KDM4C: variants seen among roughly 807,000 people sequenced by gnomAD.
KDM4C encodes the protein lysine-specific demethylase 4C.
A neutral mutation model predicts 129.3 loss-of-function variants in KDM4C; 81 were observed. The ratio of observed to expected loss-of-function variants is 0.63; its 90% CI spans 0.52 to 0.75. The LOEUF is 0.75. KDM4C is among the 30% of genes least tolerant of loss of function. The probability of loss-of-function intolerance (pLI) is 0.00; values close to 1 mark genes in which losing one functional copy is unlikely to be tolerated. For missense variants in KDM4C, 1,457 were observed against 1,304.0 expected (o/e 1.12, Z -1.81); for synonymous variants, 573 against 456.1 (o/e 1.26, Z -3.26).
At chr9:7,083,712 TGTGTGTGTGTG>T (rs1564095029) in intron 17 of KDM4C, among the ~76,000 whole-genome samples, 2 of 7,896 alleles carry the variant, frequency 2.5e-4, no homozygotes, top group African/African-American at 1.1e-3. Flanking sequence ...ACATGACTGA[TGTGTGTGTGTG>T]TGTGTGTGTG....
At chr9:7,128,527 G>A (rs1174146175) in intron 19 of KDM4C, among the ~76,000 whole-genome samples, 2 of 152,142 alleles carry the variant, frequency 1.3e-5, no homozygotes, top group Non-Finnish European at 2.9e-5. Flanking sequence ...AATTTTGGAT[G>A]GGACCTATTC....
intron 17 of KDM4C, among the ~76,000 whole-genome samples, chr9:7,100,420 A>G (rs1369639231): frequency 1.3e-5 from 2 of 151,930 alleles, no homozygotes; most frequent in African/African-American, 2.4e-5. Flanking sequence ...GCTTACTGCA[A>G]CCTCTGCCTC....
intron 8 of KDM4C, among the ~76,000 whole-genome samples, chr9:6,937,986 A>G (rs1251259095): frequency 1.3e-5 from 2 of 152,182 alleles, no homozygotes; most frequent in Non-Finnish European, 2.9e-5. Context: ...TGCTGGGATT[A>G]CAGACATGAG....
At chr9:6,990,554 T>C in intron 12 of KDM4C, 30 bp downstream of exon 12, 1 of 1,431,902 alleles carries the variant, frequency 7.0e-7, no homozygotes, top group South Asian at 1.3e-5. Flanking sequence ...TGGGATTTTT[T>C]TTTTTTTTTT....
chr9:6,725,628 C>T lies in KDM4C; in HGVS notation c.49+4631C>T, dbSNP rs112570594. 4.3e-3 allele frequency among the ~76,000 whole-genome samples: 655 copies of T among 152,122 alleles called. 3 individuals are homozygous for T. The highest frequency in any genetic ancestry group is 6.8e-3 in the Non-Finnish European group (463 of 68,018). On this transcript the variant is annotated intron_variant, in intron 1 of 17. Coordinates refer to the KDM4C transcript ENST00000536108. ...TCAGCCTCCCAAGTAGCTGGGATTA[C>T]AGGCACCTGCCACCACATCTGGCTA...
chr9:6,841,722 T>TG (rs1588635483), intron 4 of KDM4C, among the ~76,000 whole-genome samples: 2 of 152,304 alleles, frequency 1.3e-5, no homozygotes, highest in East Asian at 3.9e-4. Context: ...TGTGGGCAAG[T>TG]GACTATAGCT....
At chr9:6,757,211 C>A (rs7019769), upstream of KDM4C, among the ~76,000 whole-genome samples, 20 of 152,296 alleles carry the variant, frequency 1.3e-4, no homozygotes, top group African/African-American at 4.8e-4. Flanking sequence ...ACGCTGGAGG[C>A]ACCTGCATTT....
At chr9:6,866,065 G>C (rs769194371) in intron 5 of KDM4C, among the ~76,000 whole-genome samples, 7 of 151,824 alleles carry the variant, frequency 4.6e-5, no homozygotes, top group Non-Finnish European at 1.0e-4. Context: ...TGTATTTTTA[G>C]TTAGAGACAG....
intron 18 of KDM4C, among the ~76,000 whole-genome samples, chr9:7,124,172 A>C (rs934602695): frequency 6.6e-6 from 1 of 152,220 alleles, no homozygotes; most frequent in African/African-American, 2.4e-5. Flanking sequence ...CCAGCTAGTA[A>C]GAGTAATCAG....
rs186578455 is a variant in KDM4C at position 7,022,933 on chromosome 9, A to T, written c.2259+7004A>T. On this transcript the variant is annotated intron_variant, in intron 15 of 21. Transcript: ENST00000381309. ...ACGGTTTTTGTTCTTCATTCTAATG[A>T]TATGATGTATCACATTGATTGATTT... Among the ~76,000 whole-genome samples, 1,414 of 152,020 alleles carry T rather than the reference A, an allele frequency of 9.3e-3. 26 individuals are homozygous for T. Among genetic ancestry groups the T allele is most frequent in the African/African-American group, 0.03 (1,232 of 41,310 alleles).
rs1196691586 is a variant in KDM4C, at chr9:6,889,035, G to T, written c.783+972G>T. Among the ~76,000 whole-genome samples the T allele has an allele frequency of 1.4e-5, 2 of 140,318 alleles. 1 individual carries two copies. Among genetic ancestry groups the T allele is most frequent in the Non-Finnish European group, 3.1e-5 (2 of 64,676 alleles). The allele number at this position is 140,318 out of a possible 152,430, so 92.1% of individuals were successfully genotyped here. On this transcript the variant is annotated intron_variant, in intron 7 of 21. Transcript: ENST00000381309. ...GATCTCCCGACCTCGTGATCCGCCCGCCTCGGCCTCCCAAAGTGCTGGGAT... is the reference window on the plus strand; with the variant it reads ...GATCTCCCGACCTCGTGATCCGCCCTCCTCGGCCTCCCAAAGTGCTGGGAT...
intron 4 of KDM4C, among the ~76,000 whole-genome samples, chr9:6,822,676 C>G (rs775552765): frequency 2.6e-5 from 4 of 152,160 alleles, no homozygotes; most frequent in Non-Finnish European, 4.4e-5. Context: ...CATTAAAATA[C>G]TCAGCCTTCT....
At chr9:7,086,081 C>T (rs1005433907) in intron 17 of KDM4C, among the ~76,000 whole-genome samples, 2 of 152,136 alleles carry the variant, frequency 1.3e-5, no homozygotes, top group Admixed American at 6.5e-5. Flanking sequence ...TTGCTTGAAC[C>T]CAGGAGGCGG....
rs565868649 is a variant in KDM4C, at chr9:7,008,189, T to C, written c.1787-3509T>C. Among the ~76,000 whole-genome samples the C allele has an allele frequency of 7.2e-5, 11 of 152,266 alleles. No homozygotes were observed. In the East Asian group the frequency reaches 2.1e-3, roughly 29 times the overall value. On this transcript the variant is annotated intron_variant, in intron 12 of 21. Transcript: ENST00000381309. ...GGAGAGTGATGTGAGAAACAGATTTTGCCTCAGATCCCAATCTAAGGTCCG... is the reference window on the plus strand; with the variant it reads ...GGAGAGTGATGTGAGAAACAGATTTCGCCTCAGATCCCAATCTAAGGTCCG...
chr9:7,096,155 G>A (rs1266143340), intron 17 of KDM4C, among the ~76,000 whole-genome samples: 1 of 152,088 alleles, frequency 6.6e-6, no homozygotes, highest in African/African-American at 2.4e-5. Flanking sequence ...CAGGCTATGA[G>A]AGAAATAAAA....
Position 6,800,295 on chromosome 9 carries a change from A to G in KDM4C, c.145-5304A>G, listed in dbSNP as rs146015975. On this transcript the variant is annotated intron_variant, in intron 2 of 21. Transcript: ENST00000381309. ...GACACGAGAATCACTTGAACCTGAGAGGCTGAGGTTGCAGTGAGCCGAGAT... is the reference window on the plus strand; with the variant it reads ...GACACGAGAATCACTTGAACCTGAGGGGCTGAGGTTGCAGTGAGCCGAGAT... Among the ~76,000 whole-genome samples, 910 of 152,226 alleles carry G rather than the reference A, an allele frequency of 6.0e-3. 9 individuals are homozygous for G. Among genetic ancestry groups the G allele is most frequent in the African/African-American group, 0.021 (867 of 41,514 alleles).
intron 1 of KDM4C, chr9:6,748,863 T>G (rs1376771801): frequency 3.8e-6 from 4 of 1,050,412 alleles, no homozygotes; most frequent in South Asian, 1.2e-5. Context: ...TATCTGCATA[T>G]TCACTTGCTC....
intron 3 of KDM4C, among the ~76,000 whole-genome samples, chr9:6,810,059 A>G (rs1830859618): frequency 6.6e-6 from 1 of 152,188 alleles, no homozygotes; most frequent in Admixed American, 6.5e-5. Context: ...CATTGTTAGT[A>G]TTACTTGGCA....
At chr9:6,881,672 T>C (rs1221897803) in intron 6 of KDM4C, among the ~76,000 whole-genome samples, 1 of 152,180 alleles carries the variant, frequency 6.6e-6, no homozygotes, top group African/African-American at 2.4e-5. Context: ...ATGGTTACCG[T>C]TTGTTTAATC....
Sources: gnomAD v4.1 joint callset for allele counts (sites outside exome capture counted in the v4.1 genomes callset) on GRCh38, gnomAD v4.1.1 for gene constraint, MANE v1.5 for transcripts, NCBI Gene and HGNC (gene_info 2026-07-23, HGNC 2026-07-21) for gene names.